KDM1A: variants seen among roughly 807,000 people sequenced by gnomAD.
KDM1A encodes the protein lysine demethylase 1A, also known as lysine-specific histone demethylase 1A.
A neutral mutation model predicts 109.4 loss-of-function variants in KDM1A; 49 were observed. The observed-to-expected ratio is 0.45, with a 90% CI of 0.36 to 0.57. The LOEUF (loss-of-function observed/expected upper bound fraction) is 0.57, where lower values mean the gene tolerates loss of function less well. Among genes scored for constraint, KDM1A ranks in the 20% least tolerant of loss-of-function variants. The pLI is 0.00. For missense variants in KDM1A, 668 were observed against 1,116.6 expected, an observed-to-expected ratio of 0.60 and a Z score of 5.73; for synonymous variants, 380 against 415.4, an observed-to-expected ratio of 0.91 and a Z score of 1.04.
At chr1:23,053,667 T>G in intron 4 of KDM1A, 94 bp from the exon 5 acceptor site, 1 of 830,180 alleles carries the variant, frequency 1.2e-6, no homozygotes, top group Non-Finnish European at 2.0e-6. Context: ...ATTATAGGTG[T>G]GAGCCACTGC....
rs1643552901 is a variant in KDM1A at position 23,079,293 on chromosome 1, G to A, written c.2055+116G>A. 1 of 1,037,252 alleles carries A rather than the reference G, an allele frequency of 9.6e-7. No homozygotes were observed. Among genetic ancestry groups the A allele is most frequent in the Non-Finnish European group, 1.4e-6 (1 of 704,204 alleles). The allele number at this position is 1,037,252 out of a possible 1,614,324, so 64.3% of individuals were successfully genotyped here. A position where few individuals can be genotyped will look rare whatever the true frequency, so the allele number is the denominator to read the frequency against. ...TGGGCATTTGGCTATGCTCCCAATT[G>A]TGACATCAGGGCTGAGGCGTGTCAG... On this transcript the variant is annotated intron_variant, in intron 17 of 20. Coordinates refer to ENST00000400181, the MANE Select transcript of KDM1A (RefSeq NM_001009999.3). The surrounding 1 kb of genome is among the most constrained non-coding windows in gnomAD (Gnocchi z 5.6).
At chr1:23,039,641 C>T (rs1010995639) in intron 2 of KDM1A, among the ~76,000 whole-genome samples, 8 of 152,152 alleles carry the variant, frequency 5.3e-5, no homozygotes, top group South Asian at 2.1e-4. Flanking sequence ...AAGTAGGTAC[C>T]GAGCAGTCCT....
intron 2 of KDM1A, among the ~76,000 whole-genome samples, chr1:23,042,542 T>C (rs2124423622): frequency 8.0e-6 from 1 of 124,466 alleles, no homozygotes; most frequent in Admixed American, 9.9e-5. Flanking sequence ...AAGCTCCGCC[T>C]CCCGGGTTCA....
At chr1:23,076,682 C>T (rs925336931) in intron 15 of KDM1A, among the ~76,000 whole-genome samples, 1 of 152,084 alleles carries the variant, frequency 6.6e-6, no homozygotes, top group African/African-American at 2.4e-5. Flanking sequence ...TAAAAACTAT[C>T]CAGGGAAGGC....
chr1:23,077,302 A>G lies in KDM1A; in HGVS notation c.1809A>G (p.Ala603=), dbSNP rs761634271. The part of the protein sequence containing the change: ...NGYSCVPVAL[A]EGLDIKLNTA... ...ACTCGTGTGTGCCTGTGGCTTTAGC[A>G]GAAGGCCTAGACATTAAACTGAATA... is the stretch of plus-strand genomic sequence containing the variant. The change falls in exon 16 of 21, where the codon GCA becomes GCG. Residue 603 remains alanine, a synonymous_variant. Transcript: ENST00000400181. 6.2e-7 allele frequency: 1 copy of G among 1,614,180 alleles called. No homozygotes were observed. The highest frequency in any genetic ancestry group is 1.1e-5 in the South Asian group (1 of 91,082).
chr1:23,046,207 A>G (rs2124437007), intron 3 of KDM1A, among the ~76,000 whole-genome samples: 1 of 152,328 alleles, frequency 6.6e-6, no homozygotes, highest in South Asian at 2.1e-4. Context: ...TTCTTAGTGC[A>G]AAGACTATTC....
At chr1:23,029,128 TAAAA>T (rs905118645) in intron 1 of KDM1A, among the ~76,000 whole-genome samples, 1 of 151,862 alleles carries the variant, frequency 6.6e-6, no homozygotes, top group Admixed American at 6.6e-5. Flanking sequence ...TCCTATCATT[TAAAA>T]AAAAGAGCAA....
intron 15 of KDM1A, among the ~76,000 whole-genome samples, chr1:23,074,350 T>C (rs528867464): frequency 4.3e-4 from 65 of 152,364 alleles, no homozygotes; most frequent in Admixed American, 7.2e-4. Flanking sequence ...AGAAGTCCTT[T>C]GTCAGATTTA....
intron 9 of KDM1A, among the ~76,000 whole-genome samples, chr1:23,064,655 C>T (rs1557572698): frequency 6.6e-6 from 1 of 152,208 alleles, no homozygotes; most frequent in Non-Finnish European, 1.5e-5. Flanking sequence ...TGTCCTCCTT[C>T]GAGATTACTT....
Position 23,019,802 on chromosome 1 carries a change from C to T in KDM1A, c.206C>T (p.Ser69Leu), listed in dbSNP as rs996794739. The T allele has an allele frequency of 6.5e-6, 9 of 1,392,050 alleles. No individual in the cohort carries two copies. Among genetic ancestry groups the T allele is most frequent in the African/African-American group, 4.6e-5 (3 of 65,324 alleles). The allele number at this position is 1,392,050 out of a possible 1,614,324, so 86.2% of individuals were successfully genotyped here. The change falls in exon 1 of 21, where the codon TCG (serine) becomes TTG (leucine). Residue 69 changes from serine to leucine, a missense_variant. Ser to Leu is a moderately radical substitution (Grantham distance 145, BLOSUM62 -2). Coordinates refer to ENST00000400181, the MANE Select transcript of KDM1A (RefSeq NM_001009999.3). Reference protein sequence around the residue: ...TPRKKEPPRASPPGGLAEPPG... With the variant: ...TPRKKEPPRALPPGGLAEPPG... ...CGCAAGAAAGAGCCTCCGCGGGCCT[C>T]GCCCCCCGGGGGCCTGGCGGAACCG...
intron 10 of KDM1A, among the ~76,000 whole-genome samples, chr1:23,068,155 T>C (rs960367546): frequency 6.6e-6 from 1 of 152,178 alleles, no homozygotes; most frequent in African/African-American, 2.4e-5. Context: ...TTTGTTGACA[T>C]GGTTTTTGTT....
intron 1 of KDM1A, among the ~76,000 whole-genome samples, chr1:23,026,974 G>T (rs1002541505): frequency 6.6e-6 from 1 of 151,990 alleles, no homozygotes; most frequent in African/African-American, 2.4e-5. Context: ...CAGGGGAATA[G>T]TTTTTATTGA....
At chr1:23,070,124 G>A (rs1205177859) in intron 12 of KDM1A, among the ~76,000 whole-genome samples, 1 of 152,254 alleles carries the variant, frequency 6.6e-6, no homozygotes, top group African/African-American at 2.4e-5. Context: ...TGTCACTCTT[G>A]TCCTGTGTGG....
intron 1 of KDM1A, among the ~76,000 whole-genome samples, chr1:23,029,765 G>A (rs6659638): frequency 6.6e-6 from 1 of 151,910 alleles, no homozygotes; most frequent in African/African-American, 2.4e-5. Context: ...TCAGCCTCCC[G>A]AGTAGCTGGG....
intron 1 of KDM1A, among the ~76,000 whole-genome samples, chr1:23,028,747 A>G (rs951582743): frequency 4.6e-5 from 7 of 151,588 alleles, no homozygotes; most frequent in African/African-American, 9.7e-5. Flanking sequence ...CCTGAGACCT[A>G]TTTCCACAGT....
intron 2 of KDM1A, among the ~76,000 whole-genome samples, chr1:23,037,129 T>TAC (rs59175262): frequency 5.7e-3 from 844 of 147,582 alleles, no homozygotes; most frequent in Middle Eastern, 0.01. Context: ...AAAATATATA[T>TAC]ACACACACAC....
At chr1:23,038,740 T>G (rs1642223520) in intron 2 of KDM1A, among the ~76,000 whole-genome samples, 1 of 152,238 alleles carries the variant, frequency 6.6e-6, no homozygotes, top group South Asian at 2.1e-4. Flanking sequence ...ATCTGTGGTG[T>G]TATTGTTCTT....
intron 2 of KDM1A, among the ~76,000 whole-genome samples, chr1:23,033,417 G>T (rs922290922): frequency 6.6e-6 from 1 of 151,992 alleles, no homozygotes; most frequent in African/African-American, 2.4e-5. Flanking sequence ...AGCTACTTGG[G>T]AGGCTGAGGC....
intron 10 of KDM1A, 139 bp from the exon 11 acceptor site, chr1:23,068,400 A>G (rs1486882511): frequency 1.4e-5 from 9 of 636,798 alleles, no homozygotes; most frequent in Non-Finnish European, 2.5e-6. Context: ...ATAGAAAAGA[A>G]AATTTGAATC....
Sources: gnomAD v4.1 joint callset for allele counts (sites outside exome capture counted in the v4.1 genomes callset) on GRCh38, gnomAD v4.1.1 for gene constraint, Gnocchi (gnomAD v3.1) non-coding constraint, MANE v1.5 for transcripts, NCBI Gene and HGNC (gene_info 2026-07-23, HGNC 2026-07-21) for gene names.